Variants in DLG2 observed in about 807,000 individuals in gnomAD.
The protein encoded by DLG2 is discs large MAGUK scaffold protein 2.
A neutral mutation model predicts 132.5 loss-of-function variants in DLG2; 45 were observed. The observed-to-expected ratio is 0.34, with a 90% CI of 0.27 to 0.44. DLG2 has a LOEUF of 0.44. Ranked by LOEUF, DLG2 falls within the 20% of genes least tolerant of loss-of-function variation. The pLI is 1.00. For synonymous variants in DLG2, 424 were observed against 419.6 expected, an observed-to-expected ratio of 1.01 and a Z score of -0.13; for missense variants, 1,045 against 1,196.9, an observed-to-expected ratio of 0.87 and a Z score of 1.87.
At chr11:84,193,614 A>G (rs1290536198) in intron 8 of DLG2, among the ~76,000 whole-genome samples, 1 of 152,204 alleles carries the variant, frequency 6.6e-6, no homozygotes, top group South Asian at 2.1e-4. Flanking sequence ...ATTAAACCTC[A>G]TATTTGATTT....
intron 7 of DLG2, among the ~76,000 whole-genome samples, chr11:84,391,857 T>C (rs1601300657): frequency 6.6e-6 from 1 of 150,698 alleles, no homozygotes; most frequent in African/African-American, 2.4e-5. Flanking sequence ...TGGCTCACAG[T>C]GGATTTTAAA....
At chr11:84,714,600 TCTCTTTCTCTTTCTC>T (rs1264843817) in intron 6 of DLG2, among the ~76,000 whole-genome samples, 1 of 105,676 alleles carries the variant, frequency 9.5e-6, no homozygotes, top group Non-Finnish European at 1.9e-5. Context: ...TCTCTTTCTT[TCTCTTTCTCTTTCTC>T]TTTCTCTTTC....
chr11:84,106,813 C>T (rs2092947096), intron 9 of DLG2, among the ~76,000 whole-genome samples: 1 of 132,824 alleles, frequency 7.5e-6, no homozygotes, highest in South Asian at 2.4e-4. Flanking sequence ...AGATTATTAT[C>T]TGTGTGTGTG....
chr11:84,479,818 T>C (rs762043804), intron 7 of DLG2, among the ~76,000 whole-genome samples: 21 of 152,148 alleles, frequency 1.4e-4, no homozygotes, highest in Non-Finnish European at 2.6e-4. Context: ...ATTATGACCA[T>C]TCAACCTACT....
chr11:84,502,350 CTTT>C, intron 7 of DLG2, among the ~76,000 whole-genome samples: 1 of 53,330 alleles, frequency 1.9e-5, no homozygotes, highest in East Asian at 3.7e-4. Context: ...TTCTTTCTTT[CTTT>C]CTTTCTTTCT....
intron 18 of DLG2, among the ~76,000 whole-genome samples, chr11:83,671,268 T>C (rs1484393650): frequency 6.6e-6 from 1 of 152,162 alleles, no homozygotes; most frequent in East Asian, 1.9e-4. Context: ...TGTGAGCAAA[T>C]GCTGTGTGGT....
intron 3 of DLG2, among the ~76,000 whole-genome samples, chr11:85,472,257 G>A (rs150838768): frequency 1.3e-5 from 2 of 152,214 alleles, no homozygotes; most frequent in Non-Finnish European, 2.9e-5. Context: ...CTGCCTTCAG[G>A]TAGGGGCTAC....
chr11:83,809,826 C>T (rs1486673819), intron 17 of DLG2, among the ~76,000 whole-genome samples: 2 of 152,202 alleles, frequency 1.3e-5, no homozygotes, highest in African/African-American at 4.8e-5. Flanking sequence ...GGGGAAAATT[C>T]ACATTTGGAG....
chr11:84,788,739 T>C (rs1354565676), intron 6 of DLG2, among the ~76,000 whole-genome samples: 1 of 152,162 alleles, frequency 6.6e-6, no homozygotes, highest in Non-Finnish European at 1.5e-5. Context: ...CATTATTTCG[T>C]CCAAACATTT....
chr11:85,069,308 T>G (rs1270533682), intron 6 of DLG2, among the ~76,000 whole-genome samples: 1 of 152,132 alleles, frequency 6.6e-6, no homozygotes, highest in African/African-American at 2.4e-5. Context: ...AAATGGGATC[T>G]GATTAAACTA....
chr11:84,796,044 G>T (rs1021966208), intron 6 of DLG2, among the ~76,000 whole-genome samples: 1 of 152,164 alleles, frequency 6.6e-6, no homozygotes, highest in Admixed American at 6.5e-5. Flanking sequence ...GGCCAGATGG[G>T]CAGAACAAAC....
At chr11:85,205,146 GTATATATATATATATATAGA>G (rs1258576241) in intron 4 of DLG2, among the ~76,000 whole-genome samples, 1 of 141,702 alleles carries the variant, frequency 7.1e-6, no homozygotes, top group African/African-American at 2.6e-5. Flanking sequence ...ATATGTGTGT[GTATATATATATATATATAGA>G]TATATATATA....
At chr11:83,532,591 G>A in intron 21 of DLG2, 117 bp downstream of exon 21, 4 of 786,440 alleles carry the variant, frequency 5.1e-6, no homozygotes, top group Non-Finnish European at 8.7e-6. Flanking sequence ...ATTTATAACA[G>A]TGCTCTACTG....
At chr11:83,799,439 T>G (rs1171186625) in intron 17 of DLG2, among the ~76,000 whole-genome samples, 1 of 152,170 alleles carries the variant, frequency 6.6e-6, no homozygotes, top group Non-Finnish European at 1.5e-5. Context: ...TAATCGGATG[T>G]GATACTATTG....
chr11:85,318,054 AT>A (rs1330442497), intron 3 of DLG2, among the ~76,000 whole-genome samples: 1 of 151,890 alleles, frequency 6.6e-6, no homozygotes, highest in Middle Eastern at 3.4e-3. Context: ...ATCCATCACA[AT>A]TTTTTTCTTG....
intron 6 of DLG2, among the ~76,000 whole-genome samples, chr11:85,063,362 C>T (rs527378567): frequency 4.3e-4 from 65 of 151,788 alleles, no homozygotes; most frequent in Non-Finnish European, 7.8e-4. Context: ...TCTCATAGTC[C>T]ACTGCATATG....
intron 7 of DLG2, among the ~76,000 whole-genome samples, chr11:84,344,651 C>T (rs1224942662): frequency 1.3e-5 from 2 of 152,196 alleles, no homozygotes; most frequent in Non-Finnish European, 2.9e-5. Flanking sequence ...CTTCCTTCAT[C>T]TAACTTAATC....
chr11:84,906,244 T>G (rs1206068423), intron 6 of DLG2, among the ~76,000 whole-genome samples: 2 of 151,242 alleles, frequency 1.3e-5, no homozygotes, highest in Admixed American at 6.6e-5. Context: ...TTTTTGTTTT[T>G]TTTTTTTTTA....
At chr11:85,544,182 G>A (rs181797676) in intron 3 of DLG2, among the ~76,000 whole-genome samples, 108 of 152,278 alleles carry the variant, frequency 7.1e-4, no homozygotes, top group African/African-American at 2.5e-3. Context: ...GTATAAGGAA[G>A]GGATCCAGTT....
Sources: gnomAD v4.1 joint callset for allele counts (sites outside exome capture counted in the v4.1 genomes callset) on GRCh38, gnomAD v4.1.1 for gene constraint, MANE v1.5 for transcripts, NCBI Gene and HGNC (gene_info 2026-07-23, HGNC 2026-07-21) for gene names.